LRP1B: variants seen among roughly 807,000 people sequenced by gnomAD.
LRP1B encodes low-density lipoprotein receptor-related protein 1B.
A neutral mutation model predicts 556.6 loss-of-function variants in LRP1B; 217 were observed. The ratio of observed to expected loss-of-function variants is 0.39; its 90% CI spans 0.35 to 0.44. The LOEUF is 0.44. LRP1B is among the 20% of genes least tolerant of loss of function. The pLI is 1.00. For missense variants in LRP1B, 5,053 were observed against 5,620.8 expected (o/e 0.90, Z 3.23); for synonymous variants, 2,047 against 1,865.8 (o/e 1.10, Z -2.50).
At chr2:140,711,652 T>C (rs1010114023) in intron 37 of LRP1B, among the ~76,000 whole-genome samples, 4 of 152,112 alleles carry the variant, frequency 2.6e-5, no homozygotes. Flanking sequence ...TCCTGGCTAG[T>C]CTCATGTTGC....
chr2:141,337,278 A>G (rs72977022), intron 3 of LRP1B, among the ~76,000 whole-genome samples: 2,776 of 152,252 alleles, frequency 0.018, 86 homozygotes, highest in African/African-American at 0.062. Flanking sequence ...TTTTATTTAT[A>G]TTTCCATAAT....
At chr2:141,562,055 C>G (rs965727587) in intron 2 of LRP1B, among the ~76,000 whole-genome samples, 1 of 151,786 alleles carries the variant, frequency 6.6e-6, no homozygotes, top group African/African-American at 2.4e-5. Context: ...AAGCTCCCAG[C>G]CTCCAGGAAT....
intron 36 of LRP1B, 134 bp from the exon 37 acceptor site, chr2:140,716,236 G>A: frequency 1.6e-6 from 1 of 621,478 alleles, no homozygotes; most frequent in Non-Finnish European, 2.7e-6. Flanking sequence ...TTTTAAATGT[G>A]TTTCCTAAGC....
rs70985101 is a variant in LRP1B, at chr2:140,511,292, C to CTTTTTTTTTT, written c.8270-1246_8270-1237dup. On this transcript the variant is annotated intron_variant, in intron 51 of 90. Transcript: ENST00000389484. ...TATCAAAATACAATCCTCTAAGGGT[C>CTTTTTTTTTT]TTTTTTTTTTTTTTTTTTTTTTTTT... Among the ~76,000 whole-genome samples, 85 of 58,454 alleles carry CTTTTTTTTTT rather than the reference C, an allele frequency of 1.5e-3. 18 individuals carry two copies. Among genetic ancestry groups the CTTTTTTTTTT allele is most frequent in the African/African-American group, 5.5e-3 (79 of 14,236 alleles). The allele number at this position is 58,454 out of a possible 152,430, so 38.3% of individuals were successfully genotyped here.
chr2:141,897,416 T>C (rs1699485284), intron 1 of LRP1B, among the ~76,000 whole-genome samples: 1 of 152,186 alleles, frequency 6.6e-6, no homozygotes, highest in Admixed American at 6.6e-5. Context: ...CATCAAGTAG[T>C]ACCAGGTCAG....
At chr2:141,885,389 G>A (rs182722660) in intron 1 of LRP1B, among the ~76,000 whole-genome samples, 25 of 152,230 alleles carry the variant, frequency 1.6e-4, no homozygotes, top group African/African-American at 5.5e-4. Context: ...ATAAGAGTAC[G>A]TACATGATAC....
intron 3 of LRP1B, among the ~76,000 whole-genome samples, chr2:141,390,197 C>T (rs1440576011): frequency 6.6e-6 from 1 of 151,790 alleles, no homozygotes; most frequent in Non-Finnish European, 1.5e-5. Context: ...AAAAGATGCT[C>T]AACATCATTC....
At position 140,248,417 on chromosome 2, in the gene LRP1B, TATC is replaced by T. The variant is rs568371321; in HGVS notation, c.13248-1258_13248-1256del. On this transcript the variant is annotated intron_variant, in intron 86 of 90. Coordinates refer to ENST00000389484, the MANE Select transcript of LRP1B (RefSeq NM_018557.3). Reference sequence around the variant, plus strand: ...GGAGCATGATTTAAATGAAAATTAATATCATTATATTATGATTCAGGGCATCAC... The same window carrying T: ...GGAGCATGATTTAAATGAAAATTAATATTATATTATGATTCAGGGCATCAC... 5.3e-5 allele frequency among the ~76,000 whole-genome samples: 8 copies of T among 151,848 alleles called. No individual in the cohort carries two copies. In the South Asian group the frequency reaches 8.3e-4, roughly 16 times the overall value.
rs550856114 is a variant in LRP1B at position 141,505,065 on chromosome 2, C to T, written c.206-24532G>A. ...ATTTTGAATAATACATTTATTATTG[C>T]TTTGTTTGAGAAGAATAAATCCCTC... On this transcript the variant is annotated intron_variant, in intron 2 of 90. Coordinates refer to ENST00000389484, the MANE Select transcript of LRP1B (RefSeq NM_018557.3). Among the ~76,000 whole-genome samples, 8 of 151,570 alleles carry T rather than the reference C, an allele frequency of 5.3e-5. 1 individual carries two copies. In the South Asian group the frequency reaches 1.7e-3, roughly 32 times the overall value.
chr2:140,367,612 C>T (rs1682820097), intron 71 of LRP1B, among the ~76,000 whole-genome samples: 1 of 151,734 alleles, frequency 6.6e-6, no homozygotes, highest in African/African-American at 2.4e-5. Flanking sequence ...ACAACTGTCT[C>T]ACTCTGAAAA....
At chr2:141,575,035 G>A (rs1025449843) in intron 2 of LRP1B, among the ~76,000 whole-genome samples, 1 of 152,002 alleles carries the variant, frequency 6.6e-6, no homozygotes. Context: ...ACTGCCCAAA[G>A]CAGTTTATAG....
At chr2:140,555,431 C>T (rs1166755414) in intron 43 of LRP1B, among the ~76,000 whole-genome samples, 1 of 152,002 alleles carries the variant, frequency 6.6e-6, no homozygotes, top group African/African-American at 2.4e-5. Context: ...GGTTTGGATT[C>T]ATATCTAGCA....
At chr2:140,800,871 A>G (rs1347107155) in intron 32 of LRP1B, among the ~76,000 whole-genome samples, 1 of 151,716 alleles carries the variant, frequency 6.6e-6, no homozygotes, top group Non-Finnish European at 1.5e-5. Context: ...CCTCTTACTC[A>G]TTTTCTCCCC....
At chr2:141,158,882 C>T (rs1702132659) in intron 7 of LRP1B, among the ~76,000 whole-genome samples, 1 of 152,128 alleles carries the variant, frequency 6.6e-6, no homozygotes, top group Admixed American at 6.6e-5. Flanking sequence ...AACTGTAACT[C>T]AGCTGGAAGC....
rs113884781 is a variant in LRP1B, at chr2:142,086,644, A to C, written c.82+44004T>G. On this transcript the variant is annotated intron_variant, in intron 1 of 90. Transcript: ENST00000389484. ...ACAAACAAACAAACAAACAAACAAA[A>C]AAAAAACACAACTTGTCTCCAGCAG... Among the ~76,000 whole-genome samples the C allele has an allele frequency of 1.4e-3, 209 of 147,494 alleles. 1 individual carries two copies. Among genetic ancestry groups the C allele is most frequent in the African/African-American group, 4.5e-3 (173 of 38,574 alleles).
intron 59 of LRP1B, among the ~76,000 whole-genome samples, chr2:140,477,618 A>T (rs1688027760): frequency 1.3e-5 from 2 of 152,174 alleles, no homozygotes; most frequent in Non-Finnish European, 2.9e-5. Context: ...TCTTAAGTAA[A>T]CTACAAATTT....
At position 141,466,862 on chromosome 2, in the gene LRP1B, T is replaced by A. The variant is rs535640266; in HGVS notation, c.343+13534A>T. Among the ~76,000 whole-genome samples the A allele has an allele frequency of 1.1e-3, 164 of 151,704 alleles. 1 individual carries two copies. The highest frequency in any genetic ancestry group is 4.5e-3 in the Admixed American group (68 of 15,200). On this transcript the variant is annotated intron_variant, in intron 3 of 90. Coordinates refer to ENST00000389484, the MANE Select transcript of LRP1B (RefSeq NM_018557.3). Reference sequence around the variant, plus strand: ...AAATTCTGTAAAACTACTTTTTTTTTTAATCCAGTCTTTTAAAGATCTCAG... The same window carrying A: ...AAATTCTGTAAAACTACTTTTTTTTATAATCCAGTCTTTTAAAGATCTCAG...
At chr2:142,024,318 C>A (rs1482531758) in intron 1 of LRP1B, among the ~76,000 whole-genome samples, 1 of 152,180 alleles carries the variant, frequency 6.6e-6, no homozygotes, top group East Asian at 1.9e-4. Flanking sequence ...GTTATTTTAA[C>A]AGTTTAGGGC....
intron 1 of LRP1B, among the ~76,000 whole-genome samples, chr2:142,061,064 C>G (rs1352358491): frequency 6.6e-6 from 1 of 151,884 alleles, no homozygotes; most frequent in African/African-American, 2.4e-5. Flanking sequence ...CAGCATGAAA[C>G]AGATATGGAA....
Sources: allele counts gnomAD v4.1 joint callset (sites outside exome capture counted in the v4.1 genomes callset), GRCh38; gene constraint gnomAD v4.1.1; transcripts MANE v1.5; gene names NCBI Gene and HGNC (gene_info 2026-07-23, HGNC 2026-07-21).